Variants in NACC2 observed in about 807,000 individuals in gnomAD.
The protein encoded by NACC2 is nucleus accumbens-associated protein 2.
A neutral mutation model predicts 25.1 loss-of-function variants in NACC2; 8 were observed. The ratio of observed to expected loss-of-function variants is 0.32; its 90% CI spans 0.19 to 0.57. The LOEUF (loss-of-function observed/expected upper bound fraction) is 0.57, where lower values mean the gene tolerates loss of function less well. Among genes scored for constraint, NACC2 ranks in the 20% least tolerant of loss-of-function variants. The probability of loss-of-function intolerance (pLI) is 0.89; values close to 1 mark genes in which losing one functional copy is unlikely to be tolerated. For missense variants in NACC2, 644 were observed against 650.2 expected, an observed-to-expected ratio of 0.99 and a Z score of 0.10; for synonymous variants, 435 against 294.7, an observed-to-expected ratio of 1.48 and a Z score of -4.88.
rs1332051852 is a variant in NACC2 at position 136,022,481 on chromosome 9, C to T, written c.887-6052G>A. ...CGGCTGTGGGGCCAACTGGTGCAGA[C>T]GTGGCATTTAGTGTGGTCACTGCAG... On this transcript the variant is annotated intron_variant, in intron 2 of 5. Transcript: ENST00000277554. The surrounding 1 kb of genome is among the most constrained non-coding windows in gnomAD (Gnocchi z 4.4). Among the ~76,000 whole-genome samples the T allele has an allele frequency of 2.0e-5, 3 of 152,238 alleles. No individual in the cohort carries two copies. The highest frequency in any genetic ancestry group is 4.8e-5 in the African/African-American group (2 of 41,462).
At chr9:136,093,927 G>A (rs1830458898) in intron 1 of NACC2, among the ~76,000 whole-genome samples, 1 of 152,232 alleles carries the variant, frequency 6.6e-6, no homozygotes, top group African/African-American at 2.4e-5. Context: ...TGTCCCACTG[G>A]AGAACAGGAG....
At chr9:136,077,699 G>T (rs527398916) in intron 1 of NACC2, among the ~76,000 whole-genome samples, 2 of 152,332 alleles carry the variant, frequency 1.3e-5, no homozygotes, top group African/African-American at 2.4e-5. Context: ...GTGGTCACCC[G>T]GGAAATGCGA....
chr9:136,038,245 T>C (rs540483829), intron 2 of NACC2, among the ~76,000 whole-genome samples: 26 of 152,306 alleles, frequency 1.7e-4, no homozygotes, highest in Admixed American at 1.4e-3. Flanking sequence ...CGTATTTTTT[T>C]AAACACCAGG....
chr9:136,055,153 G>A lies in NACC2; in HGVS notation c.-59-4573C>T, dbSNP rs1840904916. On this transcript the variant is annotated intron_variant, in intron 1 of 5. Transcript: ENST00000277554. The surrounding 1 kb of genome is among the most constrained non-coding windows in gnomAD (Gnocchi z 4.9). ...GGGGTTAGGGGTTGCCCACCATGATGAGCCCCATACCCAGCAACCTGCCGA... is the reference window on the plus strand; with the variant it reads ...GGGGTTAGGGGTTGCCCACCATGATAAGCCCCATACCCAGCAACCTGCCGA... Among the ~76,000 whole-genome samples, 1 of 152,152 alleles carries A rather than the reference G, an allele frequency of 6.6e-6. No individual in the cohort carries two copies. The highest frequency in any genetic ancestry group is 1.5e-5 in the Non-Finnish European group (1 of 68,020).
intron 1 of NACC2, among the ~76,000 whole-genome samples, chr9:136,083,030 G>A (rs1052311429): frequency 1.3e-5 from 2 of 152,240 alleles, no homozygotes; most frequent in African/African-American, 4.8e-5. Flanking sequence ...ACACTCACAT[G>A]AAAGCGACCA....
intron 1 of NACC2, among the ~76,000 whole-genome samples, chr9:136,078,270 G>A (rs988901395): frequency 3.9e-5 from 6 of 152,026 alleles, no homozygotes; most frequent in African/African-American, 1.5e-4. Context: ...AGCCCCACTC[G>A]CCTGCAGGCC....
rs1210632052 is a variant in NACC2 at position 136,086,237 on chromosome 9, T to C, written c.-60+8952A>G. Among the ~76,000 whole-genome samples, 1 of 152,216 alleles carries C rather than the reference T, an allele frequency of 6.6e-6. No individual in the cohort carries two copies. The highest frequency in any genetic ancestry group is 1.5e-5 in the Non-Finnish European group (1 of 68,032). The stretch of plus-strand genomic sequence containing the variant: ...CAGCAAAGCGCAGTGCCTGCCTTCC[T>C]GTGAGAGAACCCTCACACCGTGCAG... On this transcript the variant is annotated intron_variant, in intron 1 of 5. Coordinates refer to ENST00000277554, the MANE Select transcript of NACC2 (RefSeq NM_144653.5). The surrounding 1 kb of genome is among the most constrained non-coding windows in gnomAD (Gnocchi z 5.6).
intron 1 of NACC2, among the ~76,000 whole-genome samples, chr9:136,052,139 G>A (rs1840854592): frequency 6.6e-6 from 1 of 152,206 alleles, no homozygotes; most frequent in East Asian, 1.9e-4. Flanking sequence ...GTGGAGTGTT[G>A]GTGCCAGAGG....
rs1840018712 is a variant in NACC2 at position 136,006,787 on chromosome 9, G to A, written c.*4729C>T. ...AGCACAAAAACAGAGTGAGGGCTCA[G>A]GAAAACAAAACAAAGGCTTCCTCCT... On this transcript the variant is annotated 3_prime_UTR_variant, in exon 6 of 6. Coordinates refer to ENST00000277554, the MANE Select transcript of NACC2 (RefSeq NM_144653.5). 6.6e-6 allele frequency: 1 copy of A among 151,534 alleles called. No homozygotes were observed. The highest frequency in any genetic ancestry group is 6.6e-5 in the Admixed American group (1 of 15,194). The allele number at this position is 151,534 out of a possible 1,614,324, so 9.4% of individuals were successfully genotyped here.
chr9:136,058,432 G>T (rs1234437135), intron 1 of NACC2, among the ~76,000 whole-genome samples: 6 of 152,232 alleles, frequency 3.9e-5, no homozygotes, highest in Non-Finnish European at 7.3e-5. Context: ...CTCAGGAGGG[G>T]GCTCCGGAGG....
At chr9:136,046,368 AC>A (rs1387610030) in intron 2 of NACC2, among the ~76,000 whole-genome samples, 1 of 151,584 alleles carries the variant, frequency 6.6e-6, no homozygotes, top group Non-Finnish European at 1.5e-5. Flanking sequence ...TTTTTCTTTC[AC>A]CCCTGGGTGC....
At chr9:136,059,855 C>A (rs780774457) in intron 1 of NACC2, among the ~76,000 whole-genome samples, 1 of 152,226 alleles carries the variant, frequency 6.6e-6, no homozygotes, top group Non-Finnish European at 1.5e-5. Flanking sequence ...CCTACCTCGC[C>A]GTCAAAAGGA....
intron 1 of NACC2, among the ~76,000 whole-genome samples, chr9:136,083,689 C>G (rs376347231): frequency 2.0e-5 from 3 of 152,350 alleles, no homozygotes. Flanking sequence ...AGGCGGGGGC[C>G]CCGAGACACT....
intron 1 of NACC2, among the ~76,000 whole-genome samples, chr9:136,067,844 A>G (rs4842097): frequency 0.3 from 45,045 of 152,156 alleles, 7,808 homozygotes; most frequent in East Asian, 0.41. Context: ...AAAACACAGA[A>G]ACAAAACCAA....
intron 1 of NACC2, among the ~76,000 whole-genome samples, chr9:136,087,090 T>C (rs923209637): frequency 1.3e-5 from 2 of 152,170 alleles, no homozygotes; most frequent in Non-Finnish European, 2.9e-5. Flanking sequence ...AAGGTGGCCG[T>C]GTGAGGACGG....
In NACC2 at chr9:136,050,437, A is replaced by T. The variant is rs1390470424; in HGVS notation, c.85T>A (p.Tyr29Asn). ...CLNEQRLLGL[Y>N]CDVSIVVKGQ... ...TTGACCACGATGGACACATCGCAGT[A>T]GAGGCCCAGCAGGCGCTGCTCGTTC... Residue 29 changes from tyrosine to asparagine, a missense_variant, in exon 2 of 6, where the codon TAC (tyrosine) becomes AAC (asparagine). Coordinates refer to ENST00000277554, the MANE Select transcript of NACC2 (RefSeq NM_144653.5). 1.3e-6 allele frequency: 1 copy of T among 767,082 alleles called. No homozygotes were observed. The highest frequency in any genetic ancestry group is 2.4e-6 in the Non-Finnish European group (1 of 417,288). The allele number at this position is 767,082 out of a possible 1,614,324, so 47.5% of individuals were successfully genotyped here.
At chr9:136,024,202 GAC>G (rs1165045785) in intron 2 of NACC2, among the ~76,000 whole-genome samples, 1 of 141,302 alleles carries the variant, frequency 7.1e-6, no homozygotes, top group Non-Finnish European at 1.6e-5. Context: ...TGTGTGTGAG[GAC>G]AGAGTGTGTG....
In NACC2 at chr9:136,018,844, G is replaced by A. The variant is rs544573027; in HGVS notation, c.887-2415C>T. ...TGCAGCCTGCTGTGATTACACACGC[G>A]GAGAAGCCGCACGGTGCGTGGCATT... On this transcript the variant is annotated intron_variant, in intron 2 of 5. Transcript: ENST00000277554. The surrounding 1 kb of genome is among the most constrained non-coding windows in gnomAD (Gnocchi z 4.4). 2.6e-5 allele frequency among the ~76,000 whole-genome samples: 4 copies of A among 152,308 alleles called. No homozygotes were observed. Among genetic ancestry groups the A allele is most frequent in the South Asian group, 4.1e-4 (2 of 4,830 alleles).
At chr9:136,092,345 C>T (rs1385128936) in intron 1 of NACC2, among the ~76,000 whole-genome samples, 2 of 152,190 alleles carry the variant, frequency 1.3e-5, no homozygotes, top group East Asian at 3.8e-4. Flanking sequence ...CACAGGTTCC[C>T]AAGACCCCTC....
Sources: allele counts gnomAD v4.1 joint callset (sites outside exome capture counted in the v4.1 genomes callset), GRCh38; gene constraint gnomAD v4.1.1; non-coding constraint Gnocchi (gnomAD v3.1); transcripts MANE v1.5; gene names NCBI Gene and HGNC (gene_info 2026-07-23, HGNC 2026-07-21).